The following SLC35D4 variants were observed in gnomAD, a reference collection of about 807,000 sequenced individuals.
SLC35D4 encodes the protein solute carrier family 35 member D4.
At chr18:23,401,598 G>T in the SLC35D4 span, among the ~76,000 whole-genome samples, 1 of 152,194 alleles carries the variant, frequency 6.6e-6, no homozygotes. Flanking sequence ...CCCATGGCCT[G>T]TTGTGCACCA....
the SLC35D4 span, among the ~76,000 whole-genome samples, chr18:23,399,351 CTTT>C: frequency 1.3e-5 from 2 of 152,232 alleles, no homozygotes; most frequent in African/African-American, 4.8e-5. Context: ...TACCATTACT[CTTT>C]CTTCTGCTTC....
At chr18:23,349,079 C>T in the SLC35D4 span, among the ~76,000 whole-genome samples, 1 of 152,142 alleles carries the variant, frequency 6.6e-6, no homozygotes. Context: ...GAATAATTTC[C>T]CTCTTGCCAC....
the SLC35D4 span, chr18:23,253,583 C>T: frequency 1.5e-6 from 1 of 669,300 alleles, no homozygotes; most frequent in Admixed American, 2.8e-5. Flanking sequence ...CATAACGCAG[C>T]CTTCACACTC....
At chr18:23,307,816 C>A in the SLC35D4 span, among the ~76,000 whole-genome samples, 2 of 152,214 alleles carry the variant, frequency 1.3e-5, no homozygotes, top group African/African-American at 4.8e-5. Context: ...CCACACCTAC[C>A]TCCTGGGACT....
the SLC35D4 span, among the ~76,000 whole-genome samples, chr18:23,287,375 A>T: frequency 3.3e-5 from 5 of 152,088 alleles, no homozygotes; most frequent in African/African-American, 7.2e-5. Context: ...TGACCCTGAC[A>T]CCCATCAGGC....
the SLC35D4 span, among the ~76,000 whole-genome samples, chr18:23,330,490 A>G: frequency 6.6e-6 from 1 of 152,204 alleles, no homozygotes; most frequent in Non-Finnish European, 1.5e-5. Context: ...ATTTGCTTCA[A>G]TAATGGTGAA....
the SLC35D4 span, chr18:23,253,678 TGAAAC>T: frequency 6.6e-7 from 1 of 1,512,318 alleles, no homozygotes; most frequent in Non-Finnish European, 9.1e-7. Context: ...TTCTGTCCAC[TGAAAC>T]TCTAAGTTTT....
the SLC35D4 span, among the ~76,000 whole-genome samples, chr18:23,363,642 G>A: frequency 1.3e-5 from 2 of 152,106 alleles, no homozygotes; most frequent in African/African-American, 2.4e-5. Context: ...CCAAAGTGCT[G>A]GGATTACAGG....
the SLC35D4 span, among the ~76,000 whole-genome samples, chr18:23,280,850 G>A: frequency 7.2e-5 from 11 of 151,970 alleles, no homozygotes; most frequent in Admixed American, 3.3e-4. Context: ...ATGCCCCCCC[G>A]TCTCCTCTTC....
chr18:23,399,609 AACAGC>A, the SLC35D4 span: 1 of 1,613,942 alleles, frequency 6.2e-7, no homozygotes, highest in African/African-American at 1.3e-5. Context: ...TATACCCACA[AACAGC>A]ACTGAAGCAG....
the SLC35D4 span, among the ~76,000 whole-genome samples, chr18:23,286,280 A>G: frequency 0.011 from 1,697 of 152,284 alleles, 32 homozygotes; most frequent in African/African-American, 0.039. Flanking sequence ...GTGGCCAGGC[A>G]TTCCTCCAGA....
the SLC35D4 span, among the ~76,000 whole-genome samples, chr18:23,292,489 A>C: frequency 6.6e-6 from 1 of 152,098 alleles, no homozygotes; most frequent in Non-Finnish European, 1.5e-5. Flanking sequence ...CAGGCCACAG[A>C]CCCTGCCCGG....
the SLC35D4 span, among the ~76,000 whole-genome samples, chr18:23,392,954 C>T: frequency 1.3e-5 from 2 of 152,148 alleles, no homozygotes; most frequent in Admixed American, 6.6e-5. Context: ...CTCGCTCTGT[C>T]TTCCAGGCTG....
chr18:23,437,491 T>TA, the SLC35D4 span, among the ~76,000 whole-genome samples: 1 of 152,046 alleles, frequency 6.6e-6, no homozygotes, highest in Non-Finnish European at 1.5e-5. Flanking sequence ...TGCTTTCTCT[T>TA]AAAACTAGTC....
the SLC35D4 span, chr18:23,309,802 A>G: frequency 4.0e-5 from 62 of 1,535,322 alleles, no homozygotes; most frequent in African/African-American, 1.1e-4. Context: ...GAAACCTCCA[A>G]TGTCATTTTT....
At chr18:23,297,182 G>A in the SLC35D4 span, 1 of 152,180 alleles carries the variant, frequency 6.6e-6, no homozygotes, top group Non-Finnish European at 1.5e-5. Context: ...AAAGCATTGT[G>A]TTGTGCGTGA....
chr18:23,243,818 G>T, the SLC35D4 span, among the ~76,000 whole-genome samples: 2 of 148,574 alleles, frequency 1.3e-5, no homozygotes, highest in Non-Finnish European at 3.0e-5. Context: ...GTTGCAGTGA[G>T]CCGAGATCAC....
At chr18:23,239,149 C>T in the SLC35D4 span, among the ~76,000 whole-genome samples, 10 of 152,190 alleles carry the variant, frequency 6.6e-5, no homozygotes, top group South Asian at 2.1e-4. Context: ...TGTGTATGTG[C>T]GTGTGCACGT....
At chr18:23,256,814 A>C in the SLC35D4 span, among the ~76,000 whole-genome samples, 14 of 152,186 alleles carry the variant, frequency 9.2e-5, no homozygotes, top group African/African-American at 3.4e-4. Context: ...TTAAACCTGA[A>C]TCACTTAGTT....
Sources: gnomAD v4.1 joint callset for allele counts (sites outside exome capture counted in the v4.1 genomes callset) on GRCh38, gnomAD v4.1.1 for gene constraint, MANE v1.5 for transcripts, NCBI Gene and HGNC (gene_info 2026-07-23, HGNC 2026-07-21) for gene names.